The following BMPR1B variants were observed in gnomAD, a reference collection of about 807,000 sequenced individuals.
BMPR1B encodes the protein bone morphogenetic protein receptor type-1B.
BMPR1B carries 12 observed loss-of-function variants against 59.1 expected under a neutral mutation model. The ratio of observed to expected loss-of-function variants is 0.20; its 90% CI spans 0.13 to 0.33. The LOEUF (loss-of-function observed/expected upper bound fraction) is 0.33. Ranked by LOEUF, BMPR1B falls within the 10% of genes least tolerant of loss-of-function variation. The pLI, the probability that BMPR1B is intolerant of heterozygous loss-of-function variation, is 1.00. For missense variants in BMPR1B, 550 were observed against 610.9 expected (o/e 0.90, Z 1.05); for synonymous variants, 237 against 207.3 (o/e 1.14, Z -1.23).
intron 3 of BMPR1B, among the ~76,000 whole-genome samples, chr4:95,046,150 C>T (rs769415226): frequency 6.6e-6 from 1 of 152,032 alleles, no homozygotes; most frequent in Non-Finnish European, 1.5e-5. Context: ...ATCAAGCAGC[C>T]CTCTTGCCTC....
chr4:94,834,593 T>C (rs1406011622), intron 1 of BMPR1B, among the ~76,000 whole-genome samples: 4 of 152,156 alleles, frequency 2.6e-5, no homozygotes, highest in Non-Finnish European at 5.9e-5. Flanking sequence ...CTGATTGATA[T>C]TAAACCCATT....
At chr4:95,138,154 T>C (rs980468901) in intron 10 of BMPR1B, among the ~76,000 whole-genome samples, 28 of 152,128 alleles carry the variant, frequency 1.8e-4, no homozygotes, top group African/African-American at 6.5e-4. Context: ...TTTATTTCTC[T>C]TTCACTTATG....
At chr4:94,969,046 T>C (rs1366538643) in intron 2 of BMPR1B, among the ~76,000 whole-genome samples, 1 of 152,020 alleles carries the variant, frequency 6.6e-6, no homozygotes, top group Admixed American at 6.5e-5. Context: ...TTTTGTTGTT[T>C]TTTTTTTGAG....
intron 2 of BMPR1B, among the ~76,000 whole-genome samples, chr4:94,980,342 T>G (rs1731189332): frequency 6.6e-6 from 1 of 152,222 alleles, no homozygotes; most frequent in African/African-American, 2.4e-5. Flanking sequence ...GTTGTAGCCC[T>G]AATTTTGCCT....
chr4:94,957,824 T>G (rs574816213), intron 2 of BMPR1B, among the ~76,000 whole-genome samples: 1 of 152,180 alleles, frequency 6.6e-6, no homozygotes, highest in East Asian at 1.9e-4. Flanking sequence ...AAAATACAGG[T>G]TTTTGCATCG....
chr4:94,961,249 T>A (rs1359416033), intron 2 of BMPR1B, among the ~76,000 whole-genome samples: 1 of 152,150 alleles, frequency 6.6e-6, no homozygotes, highest in Non-Finnish European at 1.5e-5. Flanking sequence ...ACCTATTATA[T>A]ATACAGGAAG....
chr4:94,954,140 G>A (rs1466502125), intron 2 of BMPR1B, among the ~76,000 whole-genome samples: 1 of 151,998 alleles, frequency 6.6e-6, no homozygotes, highest in Non-Finnish European at 1.5e-5. Context: ...CTCTAAACTG[G>A]TTAGAGAGCA....
chr4:95,081,906 A>T (rs1023170601), intron 3 of BMPR1B, among the ~76,000 whole-genome samples: 3 of 152,172 alleles, frequency 2.0e-5, no homozygotes, highest in African/African-American at 7.2e-5. Flanking sequence ...GTTTTGCAAA[A>T]ACATAGAGCA....
At chr4:95,010,906 G>A (rs928507002) in intron 3 of BMPR1B, among the ~76,000 whole-genome samples, 3 of 152,142 alleles carry the variant, frequency 2.0e-5, no homozygotes, top group Non-Finnish European at 4.4e-5. Flanking sequence ...TTTTTCATAT[G>A]CTGGATATGT....
At chr4:95,038,897 A>G (rs1725450440) in intron 3 of BMPR1B, among the ~76,000 whole-genome samples, 1 of 152,072 alleles carries the variant, frequency 6.6e-6, no homozygotes, top group South Asian at 2.1e-4. Flanking sequence ...TACAGGCTTT[A>G]CTCATTTTGG....
At chr4:94,786,261 G>A (rs945062670) in intron 1 of BMPR1B, among the ~76,000 whole-genome samples, 1 of 152,114 alleles carries the variant, frequency 6.6e-6, no homozygotes, top group Non-Finnish European at 1.5e-5. Context: ...TCTAGCAAGG[G>A]CATATGGAAA....
intron 3 of BMPR1B, among the ~76,000 whole-genome samples, chr4:95,053,281 T>TGTGTGTGTGTG (rs1726645064): frequency 1.5e-5 from 2 of 134,252 alleles, no homozygotes; most frequent in South Asian, 2.6e-4. Context: ...TGCAGGGCAC[T>TGTGTGTGTGTG]TGTGTGTGTG....
At chr4:95,049,692 C>T (rs1366177607) in intron 3 of BMPR1B, among the ~76,000 whole-genome samples, 1 of 151,546 alleles carries the variant, frequency 6.6e-6, no homozygotes. Flanking sequence ...AAGTTCAATT[C>T]GTCTTTCAGC....
In BMPR1B at chr4:94,885,899, G is replaced by A. The variant is rs369481741; in HGVS notation, c.-113+9999G>A. Among the ~76,000 whole-genome samples the A allele has an allele frequency of 1.9e-4, 29 of 152,282 alleles. No individual in the cohort carries two copies. In the South Asian group the frequency reaches 4.3e-3, roughly 23 times the overall value. ...AATGTAGCATTCACAGTGAAAGGATGTACTTGGAACAAAACTTTCCCTTCA... is the reference window on the plus strand; with the variant it reads ...AATGTAGCATTCACAGTGAAAGGATATACTTGGAACAAAACTTTCCCTTCA... On this transcript the variant is annotated intron_variant, in intron 2 of 12. Coordinates refer to ENST00000515059, the MANE Select transcript of BMPR1B (RefSeq NM_001203.3).
At chr4:95,152,584 T>C in intron 11 of BMPR1B, 59 bp from the exon 12 acceptor site, 2 of 1,434,248 alleles carry the variant, frequency 1.4e-6, no homozygotes, top group Non-Finnish European at 1.9e-6. Context: ...TGTTAGACTT[T>C]TATTTCTACT....
At chr4:94,918,129 C>CT (rs1261339872) in intron 2 of BMPR1B, among the ~76,000 whole-genome samples, 2 of 151,994 alleles carry the variant, frequency 1.3e-5, no homozygotes, top group African/African-American at 4.8e-5. Context: ...AGTTAAATCT[C>CT]TTTTTTTAGT....
chr4:94,789,424 T>G (rs1722891311), intron 1 of BMPR1B, among the ~76,000 whole-genome samples: 1 of 152,206 alleles, frequency 6.6e-6, no homozygotes, highest in Admixed American at 6.5e-5. Flanking sequence ...GGTTCTCATC[T>G]CCTTTGAAAA....
At chr4:94,770,012 G>C (rs1043715394) in intron 1 of BMPR1B, among the ~76,000 whole-genome samples, 1 of 152,072 alleles carries the variant, frequency 6.6e-6, no homozygotes, top group African/African-American at 2.4e-5. Context: ...CTTTGTCCAT[G>C]CTGTCCATCA....
At chr4:95,151,477 T>G (rs1045640701) in intron 11 of BMPR1B, among the ~76,000 whole-genome samples, 2 of 152,214 alleles carry the variant, frequency 1.3e-5, no homozygotes. Flanking sequence ...CCCTGTGCTT[T>G]TCTTATCTCA....
Sources: allele counts gnomAD v4.1 joint callset (sites outside exome capture counted in the v4.1 genomes callset), GRCh38; gene constraint gnomAD v4.1.1; transcripts MANE v1.5; gene names NCBI Gene and HGNC (gene_info 2026-07-23, HGNC 2026-07-21).